The following WASHC2A variants were observed in gnomAD, a reference collection of about 807,000 sequenced individuals.
The protein encoded by WASHC2A is WASH complex subunit FAM21A.
In WASHC2A, 82 loss-of-function variants were observed where a neutral mutation model predicts 140.3. The observed-to-expected ratio is 0.58, with a 90% CI of 0.49 to 0.70. The LOEUF is 0.70. Ranked by LOEUF, WASHC2A falls within the 30% of genes least tolerant of loss-of-function variation. The probability of loss-of-function intolerance (pLI) is 0.00; values close to 1 mark genes in which losing one functional copy is unlikely to be tolerated. For missense variants in WASHC2A, 985 were observed against 1,521.8 expected, an observed-to-expected ratio of 0.65 and a Z score of 5.87; for synonymous variants, 340 against 560.8, an observed-to-expected ratio of 0.61 and a Z score of 5.56.
chr10:50,102,538 G>A (rs1476581707), intron 17 of WASHC2A, among the ~76,000 whole-genome samples: 7 of 151,876 alleles, frequency 4.6e-5, no homozygotes, highest in African/African-American at 1.7e-4. Context: ...TTCCCCTTGT[G>A]GCCTCTTCTA....
In WASHC2A at chr10:50,103,403, C is replaced by CA. The variant is rs1170362227; in HGVS notation, c.1636-632dup. Among the ~76,000 whole-genome samples the CA allele has an allele frequency of 8.6e-5, 13 of 151,728 alleles. No homozygotes were observed. The East Asian group carries it at 9.7e-4, about 11-fold the overall frequency. On this transcript the variant is annotated intron_variant, in intron 17 of 30. Transcript: ENST00000282633. ...TGAAACCCCGTCTCTACTAAAAATA[C>CA]AAAAAAATTAGCCAGGCGTGGTGGC...
At chr10:50,121,900 A>G (rs1483158904) in intron 23 of WASHC2A, among the ~76,000 whole-genome samples, 2 of 146,202 alleles carry the variant, frequency 1.4e-5, no homozygotes, top group African/African-American at 5.3e-5. Flanking sequence ...TATGGACCAG[A>G]AACCTTAATA....
At position 50,078,707 on chromosome 10, in the gene WASHC2A, A is replaced by T; in HGVS notation, c.324A>T (p.Val108=). ...ATGATGAAGAAGTGGAGGAGCCAGTACTCAAGGCTGAGGCAGAAAAAACAG... is the reference window on the plus strand; with the variant it reads ...ATGATGAAGAAGTGGAGGAGCCAGTTCTCAAGGCTGAGGCAGAAAAAACAG... ...RVYDEEVEEP[V]LKAEAEKTEQ... is the part of the protein sequence containing the mutation. The change falls in exon 4 of 31, where the codon GTA becomes GTT. Residue 108 remains valine (V), a synonymous_variant. Coordinates refer to ENST00000282633, the MANE Select transcript of WASHC2A (RefSeq NM_001005751.3). 6.2e-7 allele frequency: 1 copy of T among 1,611,952 alleles called. No individual in the cohort carries two copies. The highest frequency in any genetic ancestry group is 8.5e-7 in the Non-Finnish European group (1 of 1,179,848).
intron 3 of WASHC2A, among the ~76,000 whole-genome samples, chr10:50,077,165 C>A (rs537067550): frequency 0.01 from 1,525 of 149,972 alleles, 11 homozygotes; most frequent in Non-Finnish European, 0.014. Flanking sequence ...GTGGTGGTGC[C>A]CGCCTGTAAT....
chr10:50,078,873 G>C, intron 4 of WASHC2A, 136 bp downstream of exon 4: 2 of 1,552,004 alleles, frequency 1.3e-6, no homozygotes, highest in Non-Finnish European at 1.8e-6. Context: ...CAGCCCAAGA[G>C]GGGATTCTTT....
chr10:50,070,284 C>T (rs1554875766), intron 3 of WASHC2A, among the ~76,000 whole-genome samples: 2 of 151,930 alleles, frequency 1.3e-5, no homozygotes, highest in African/African-American at 4.8e-5. Flanking sequence ...TTAGATAGAG[C>T]CTCTCCCTTG....
Position 50,132,961 on chromosome 10 carries a change from C to T in WASHC2A, c.*16C>T, listed in dbSNP as rs764268011. The T allele has an allele frequency of 1.2e-6, 2 of 1,611,936 alleles. No individual in the cohort carries two copies. The highest frequency in any genetic ancestry group is 1.1e-5 in the South Asian group (1 of 90,978). The stretch of plus-strand genomic sequence containing the variant: ...AGGCCAGTAGAGCACACAGGGTATC[C>T]ACATGTTACCCTGCAGCTACATTGT... On this transcript the variant is annotated 3_prime_UTR_variant, in exon 31 of 31. Coordinates refer to ENST00000282633, the MANE Select transcript of WASHC2A (RefSeq NM_001005751.3).
At chr10:50,072,460 A>G (rs12411414) in intron 3 of WASHC2A, among the ~76,000 whole-genome samples, 27,251 of 143,760 alleles carry the variant, frequency 0.19, 3,217 homozygotes, top group East Asian at 0.6. Flanking sequence ...AGTTGCTGAT[A>G]TATATTTGTA....
intron 4 of WASHC2A, among the ~76,000 whole-genome samples, chr10:50,078,991 T>TTTGG (rs1838639816): frequency 6.6e-6 from 1 of 151,512 alleles, no homozygotes; most frequent in Non-Finnish European, 1.5e-5. Flanking sequence ...AAGGGCCAGA[T>TTTGG]AGTACATATT....
intron 19 of WASHC2A, among the ~76,000 whole-genome samples, chr10:50,109,256 C>A (rs1465333730): frequency 6.6e-6 from 1 of 152,200 alleles, no homozygotes; most frequent in Admixed American, 6.5e-5. Flanking sequence ...GGGGTGTGAG[C>A]ATAGTCGAGT....
rs797027503 is a variant in WASHC2A at position 50,081,923 on chromosome 10, G to T, written c.528+992G>T. Among the ~76,000 whole-genome samples the T allele has an allele frequency of 2.0e-5, 3 of 152,064 alleles. No homozygotes were observed. The East Asian group carries it at 5.8e-4, about 29-fold the overall frequency. On this transcript the variant is annotated intron_variant, in intron 5 of 30. Transcript: ENST00000282633. ...GCTGGGATTACAGACATGAGCCACC[G>T]CACCCAGCCTGAACCACTCTTCTAG...
chr10:50,090,885 C>G lies in WASHC2A; in HGVS notation c.842C>G (p.Pro281Arg). Reference protein sequence around the residue: ...DIEDIEENTRPKRSRPTSFAD... With the variant: ...DIEDIEENTRRKRSRPTSFAD... ...GAGGACATTGAAGAAAATACTAGACCTGTAAGGAAGGCTGTAGTTGCTATC... is the reference window on the plus strand; with the variant it reads ...GAGGACATTGAAGAAAATACTAGACGTGTAAGGAAGGCTGTAGTTGCTATC... Residue 281 changes from proline to arginine, a missense_variant and splice_region_variant, in exon 9 of 31, where the codon CCT becomes CGT. By Grantham distance (103) the Pro-to-Arg change is moderately radical. Coordinates refer to ENST00000282633, the MANE Select transcript of WASHC2A (RefSeq NM_001005751.3). 1 of 1,610,988 alleles carries G rather than the reference C, an allele frequency of 6.2e-7. No individual in the cohort carries two copies. Among genetic ancestry groups the G allele is most frequent in the South Asian group, 1.1e-5 (1 of 90,940 alleles).
intron 23 of WASHC2A, among the ~76,000 whole-genome samples, chr10:50,121,147 T>C (rs1385724179): frequency 6.7e-6 from 1 of 150,030 alleles, no homozygotes; most frequent in Non-Finnish European, 1.5e-5. Context: ...AAGCAGGCCA[T>C]GTAGGTGAGA....
intron 28 of WASHC2A, 68 bp from the exon 29 acceptor site, chr10:50,129,351 C>A (rs555929154): frequency 6.2e-7 from 1 of 1,611,934 alleles, no homozygotes; most frequent in East Asian, 2.2e-5. Flanking sequence ...GTCACTGATT[C>A]TTTGCCATGG....
intron 13 of WASHC2A, 84 bp downstream of exon 13, chr10:50,094,001 C>G: frequency 6.2e-7 from 1 of 1,605,046 alleles, no homozygotes; most frequent in Non-Finnish European, 8.5e-7. Flanking sequence ...AAGGTTGTTC[C>G]CAAGCCTTGT....
At chr10:50,128,171 G>T (rs1392639313) in intron 28 of WASHC2A, among the ~76,000 whole-genome samples, 2 of 151,340 alleles carry the variant, frequency 1.3e-5, no homozygotes, top group Admixed American at 6.6e-5. Context: ...CCTGGGTTTG[G>T]TATGAAACCC....
intron 3 of WASHC2A, among the ~76,000 whole-genome samples, chr10:50,074,923 T>A (rs1212387008): frequency 1.5e-4 from 21 of 143,236 alleles, no homozygotes; most frequent in East Asian, 3.9e-4. Flanking sequence ...CTCAAAAAAA[T>A]AATAATAAAT....
At chr10:50,103,547 G>C (rs1485930028) in intron 17 of WASHC2A, among the ~76,000 whole-genome samples, 1 of 151,622 alleles carries the variant, frequency 6.6e-6, no homozygotes, top group Admixed American at 6.6e-5. Context: ...GCAACAGAGC[G>C]AGACTCCGCC....
intron 30 of WASHC2A, among the ~76,000 whole-genome samples, chr10:50,131,497 C>T (rs1460060745): frequency 2.0e-5 from 3 of 152,078 alleles, no homozygotes; most frequent in Non-Finnish European, 4.4e-5. Context: ...TGGTTCTGTG[C>T]GAGAAGAGAG....
Sources: gnomAD v4.1 joint callset for allele counts (sites outside exome capture counted in the v4.1 genomes callset) on GRCh38, gnomAD v4.1.1 for gene constraint, MANE v1.5 for transcripts, NCBI Gene and HGNC (gene_info 2026-07-23, HGNC 2026-07-21) for gene names.